The following ZDHHC20 variants were observed in gnomAD, a reference collection of about 807,000 sequenced individuals.
ZDHHC20 encodes zDHHC palmitoyltransferase 20.
Under a neutral mutation model 57.8 loss-of-function variants are expected in ZDHHC20, and 43 were observed. That is an observed-to-expected ratio of 0.74 (90% CI 0.58 to 0.96). The LOEUF (loss-of-function observed/expected upper bound fraction) is 0.96. Among genes scored for constraint, ZDHHC20 ranks in the 40% least tolerant of loss-of-function variants. The pLI, the probability that ZDHHC20 is intolerant of heterozygous loss-of-function variation, is 0.00. For synonymous variants in ZDHHC20, 157 were observed against 153.0 expected (o/e 1.03, Z -0.19); for missense variants, 391 against 441.1 (o/e 0.89, Z 1.02).
intron 7 of ZDHHC20, among the ~76,000 whole-genome samples, chr13:21,393,112 T>C (rs975293230): frequency 2.6e-5 from 4 of 152,160 alleles, no homozygotes; most frequent in African/African-American, 9.6e-5. Context: ...TGGCCATCTA[T>C]AACATTTTCT....
intron 1 of ZDHHC20, among the ~76,000 whole-genome samples, chr13:21,450,201 AG>A (rs1884313769): frequency 6.6e-6 from 1 of 152,178 alleles, no homozygotes; most frequent in Non-Finnish European, 1.5e-5. Context: ...AATGCCTATT[AG>A]ATCTCCAAGC....
rs1226047344 is a variant in ZDHHC20, at chr13:21,375,001, G to A, written c.*1695C>T. The stretch of plus-strand genomic sequence containing the variant: ...ATGTGAAAATTAGCCGGGCATGGTG[G>A]CATGAGCCTGTAATCCCAGCTACTT... On this transcript the variant is annotated 3_prime_UTR_variant, in exon 13 of 13. Coordinates refer to ENST00000400590, the MANE Select transcript of ZDHHC20 (RefSeq NM_001330059.2). 7.7e-6 allele frequency: 3 copies of A among 390,470 alleles called. No homozygotes were observed. The highest frequency in any genetic ancestry group is 6.5e-5 in the Admixed American group (2 of 30,766). The allele number at this position is 390,470 out of a possible 1,614,324, so 24.2% of individuals were successfully genotyped here.
chr13:21,384,292 T>C (rs1248520724), intron 9 of ZDHHC20, among the ~76,000 whole-genome samples: 1 of 151,632 alleles, frequency 6.6e-6, no homozygotes, highest in Non-Finnish European at 1.5e-5. Flanking sequence ...CTACAAAAAT[T>C]AGCTGGGTGT....
intron 1 of ZDHHC20, among the ~76,000 whole-genome samples, chr13:21,443,195 C>G (rs112993510): frequency 6.6e-6 from 1 of 152,178 alleles, no homozygotes; most frequent in Non-Finnish European, 1.5e-5. Context: ...ACACTTTCAA[C>G]TTCCAAGGTG....
intron 3 of ZDHHC20, among the ~76,000 whole-genome samples, chr13:21,418,066 T>C (rs1880220098): frequency 6.6e-6 from 1 of 151,226 alleles, no homozygotes; most frequent in South Asian, 2.1e-4. Context: ...AATTAATTAA[T>C]TTAATAGTTA....
intron 4 of ZDHHC20, among the ~76,000 whole-genome samples, chr13:21,409,024 G>A (rs773521238): frequency 2.0e-5 from 3 of 152,120 alleles, no homozygotes; most frequent in Non-Finnish European, 2.9e-5. Flanking sequence ...ATTTTATTGA[G>A]GATTTTCACA....
chr13:21,416,087 C>T (rs1446231838), intron 3 of ZDHHC20, among the ~76,000 whole-genome samples: 2 of 151,750 alleles, frequency 1.3e-5, no homozygotes, highest in African/African-American at 4.8e-5. Flanking sequence ...CGCCTGTAGT[C>T]CCAGCTACTC....
intron 1 of ZDHHC20, among the ~76,000 whole-genome samples, chr13:21,426,680 A>T (rs58374685): frequency 0.3 from 44,330 of 147,606 alleles, 6,739 homozygotes; most frequent in Admixed American, 0.34. Flanking sequence ...ATCTTGGCTC[A>T]CTGCAACCTC....
rs371102854 is a variant in ZDHHC20, at chr13:21,382,866, G to A, written c.944+54C>T. 3.6e-5 allele frequency: 49 copies of A among 1,378,584 alleles called. No individual in the cohort carries two copies. In the African/African-American group the frequency reaches 6.0e-4, roughly 17 times the overall value. The allele number at this position is 1,378,584 out of a possible 1,614,324, so 85.4% of individuals were successfully genotyped here. On this transcript the variant is annotated intron_variant, in intron 10 of 12. Transcript: ENST00000400590. ...CTCATAAGATGTACACACAACACATGTATACGGTTTGCTTTATGATGAATA... is the reference window on the plus strand; with the variant it reads ...CTCATAAGATGTACACACAACACATATATACGGTTTGCTTTATGATGAATA...
At chr13:21,399,792 C>T (rs1444198627) in intron 7 of ZDHHC20, among the ~76,000 whole-genome samples, 3 of 151,818 alleles carry the variant, frequency 2.0e-5, no homozygotes, top group Admixed American at 6.6e-5. Context: ...GTTTTTTTCA[C>T]GTTAATAAAA....
intron 2 of ZDHHC20, among the ~76,000 whole-genome samples, chr13:21,421,638 T>C (rs1183474181): frequency 1.3e-5 from 2 of 152,194 alleles, no homozygotes; most frequent in East Asian, 3.8e-4. Context: ...AAAAGTGACC[T>C]AAATTTCATT....
intron 1 of ZDHHC20, among the ~76,000 whole-genome samples, chr13:21,449,620 A>G (rs911192814): frequency 7.9e-5 from 12 of 152,080 alleles, no homozygotes; most frequent in African/African-American, 2.9e-4. Context: ...TTGATGGAAG[A>G]AGGTACAAAT....
intron 1 of ZDHHC20, among the ~76,000 whole-genome samples, chr13:21,431,605 A>G (rs532619809): frequency 2.6e-5 from 4 of 152,356 alleles, no homozygotes; most frequent in Admixed American, 6.5e-5. Context: ...TCCACTTACA[A>G]TGGATCAGAG....
intron 2 of ZDHHC20, 146 bp downstream of exon 2, chr13:21,425,506 G>A (rs1881149243): frequency 3.8e-6 from 2 of 522,472 alleles, no homozygotes; most frequent in African/African-American, 4.1e-5. Context: ...CCCATTACTA[G>A]ATCTCCTTTT....
At chr13:21,376,717 TA>T in intron 12 of ZDHHC20, 62 bp from the exon 13 acceptor site, 2 of 1,144,946 alleles carry the variant, frequency 1.7e-6, no homozygotes, top group Non-Finnish European at 2.4e-6. Context: ...AAATATTTAC[TA>T]AATGGTTCTG....
chr13:21,399,357 A>C (rs1877290102), intron 7 of ZDHHC20, among the ~76,000 whole-genome samples: 1 of 152,012 alleles, frequency 6.6e-6, no homozygotes. Flanking sequence ...ATAAAAATAA[A>C]ATCAAATAAA....
intron 1 of ZDHHC20, among the ~76,000 whole-genome samples, chr13:21,448,855 T>C (rs1884142771): frequency 3.4e-5 from 3 of 88,906 alleles, no homozygotes; most frequent in African/African-American, 7.2e-5. Flanking sequence ...GGGAGACTTT[T>C]CATTTTGTTC....
intron 8 of ZDHHC20, among the ~76,000 whole-genome samples, chr13:21,388,404 G>A (rs1452630404): frequency 3.3e-5 from 5 of 152,130 alleles, no homozygotes; most frequent in African/African-American, 1.2e-4. Flanking sequence ...AGAAGAGATG[G>A]GAAGGAGTCT....
At chr13:21,396,641 T>C (rs532533818) in intron 7 of ZDHHC20, among the ~76,000 whole-genome samples, 12 of 152,264 alleles carry the variant, frequency 7.9e-5, no homozygotes, top group Non-Finnish European at 1.8e-4. Context: ...AAGATCAGTC[T>C]GGCCAACATG....
Sources: allele counts gnomAD v4.1 joint callset (sites outside exome capture counted in the v4.1 genomes callset), GRCh38; gene constraint gnomAD v4.1.1; transcripts MANE v1.5; gene names NCBI Gene and HGNC (gene_info 2026-07-23, HGNC 2026-07-21).